The following SGCD variants were observed in gnomAD, a reference collection of about 807,000 sequenced individuals.
SGCD encodes the protein delta-sarcoglycan.
Under a neutral mutation model 36.6 loss-of-function variants are expected in SGCD, and 18 were observed. The observed-to-expected ratio is 0.49, with a 90% CI of 0.34 to 0.73. The LOEUF is 0.73. Among genes scored for constraint, SGCD ranks in the 30% least tolerant of loss-of-function variants. The probability of loss-of-function intolerance (pLI) is 0.01; values close to 1 mark genes in which losing one functional copy is unlikely to be tolerated. For synonymous variants in SGCD, 133 were observed against 130.6 expected (o/e 1.02, Z -0.12); for missense variants, 387 against 346.7 (o/e 1.12, Z -0.92).
Position 156,006,351 on chromosome 5 carries a change from T to C in SGCD, c.-281-111527T>C, listed in dbSNP as rs1311511922. On this transcript the variant is annotated intron_variant, in intron 1 of 9. Coordinates refer to the SGCD transcript ENST00000517913. Reference sequence around the variant, plus strand: ...TCAAAATGACAAATCTCTTTGATTATTTTTTTTCATTTGAAGTCAAAAGCC... The same window carrying C: ...TCAAAATGACAAATCTCTTTGATTACTTTTTTTCATTTGAAGTCAAAAGCC... 2.0e-5 allele frequency among the ~76,000 whole-genome samples: 3 copies of C among 151,800 alleles called. No individual in the cohort carries two copies. In the East Asian group the frequency reaches 5.8e-4, roughly 29 times the overall value.
intron 7 of SGCD, among the ~76,000 whole-genome samples, chr5:156,747,506 T>C (rs565420074): frequency 6.6e-6 from 1 of 152,244 alleles, no homozygotes; most frequent in Non-Finnish European, 1.5e-5. Flanking sequence ...ATTTGTAGGA[T>C]TAAGTTCTCT....
chr5:156,282,052 T>C (rs1255939204), intron 3 of SGCD, among the ~76,000 whole-genome samples: 1 of 152,060 alleles, frequency 6.6e-6, no homozygotes, highest in Non-Finnish European at 1.5e-5. Flanking sequence ...ACTTCTGTTC[T>C]CCAGTAGTTT....
chr5:156,451,517 A>G (rs1451324792), intron 3 of SGCD, among the ~76,000 whole-genome samples: 1 of 152,184 alleles, frequency 6.6e-6, no homozygotes, highest in East Asian at 1.9e-4. Flanking sequence ...GCAATGATGG[A>G]GCAGTCTTGG....
chr5:156,585,416 A>C (rs896052967), intron 4 of SGCD, among the ~76,000 whole-genome samples: 9 of 152,236 alleles, frequency 5.9e-5, no homozygotes, highest in Non-Finnish European at 1.3e-4. Flanking sequence ...AAAAACTTAC[A>C]AACTATCCTT....
At chr5:156,230,824 G>C (rs922563591) in intron 3 of SGCD, among the ~76,000 whole-genome samples, 6 of 152,208 alleles carry the variant, frequency 3.9e-5, no homozygotes, top group African/African-American at 1.2e-4. Context: ...TGAACATATA[G>C]TAAATGCTTA....
chr5:156,017,858 G>A (rs1049327481), intron 1 of SGCD, among the ~76,000 whole-genome samples: 70 of 151,844 alleles, frequency 4.6e-4, no homozygotes, highest in Admixed American at 1.1e-3. Flanking sequence ...CATTCATATT[G>A]ACATTTAAAT....
intron 3 of SGCD, among the ~76,000 whole-genome samples, chr5:156,471,227 TTCTCA>T (rs1754948206): frequency 6.6e-6 from 1 of 152,202 alleles, no homozygotes; most frequent in Admixed American, 6.5e-5. Context: ...TTTAAGATAC[TTCTCA>T]TCACATTCAT....
intron 1 of SGCD, among the ~76,000 whole-genome samples, chr5:156,044,655 C>A (rs1256452378): frequency 6.6e-6 from 1 of 152,068 alleles, no homozygotes; most frequent in African/African-American, 2.4e-5. Context: ...TCAAAGCATT[C>A]TATAAACCGA....
the SGCD span, among the ~76,000 whole-genome samples, chr5:155,776,406 T>C: frequency 4.6e-5 from 7 of 152,282 alleles, no homozygotes; most frequent in African/African-American, 1.4e-4. Context: ...ACAGCTTTAC[T>C]GTGGGAAATA....
chr5:156,151,651 C>T (rs972911732), intron 3 of SGCD, among the ~76,000 whole-genome samples: 1 of 151,442 alleles, frequency 6.6e-6, no homozygotes, highest in African/African-American at 2.5e-5. Flanking sequence ...GCCTAGGTTC[C>T]CTTCCAGGAT....
At chr5:156,598,533 C>T (rs1454904347) in intron 6 of SGCD, among the ~76,000 whole-genome samples, 1 of 152,132 alleles carries the variant, frequency 6.6e-6, no homozygotes, top group Non-Finnish European at 1.5e-5. Context: ...TATAGTGAGA[C>T]TCTGTCTCAA....
chr5:156,652,885 G>A (rs115831368), intron 7 of SGCD, among the ~76,000 whole-genome samples: 2,431 of 152,000 alleles, frequency 0.016, 61 homozygotes, highest in African/African-American at 0.055. Context: ...CTGTTTATAC[G>A]ATGGATCACA....
At chr5:156,646,544 T>C (rs909807016) in intron 6 of SGCD, among the ~76,000 whole-genome samples, 1 of 152,122 alleles carries the variant, frequency 6.6e-6, no homozygotes, top group African/African-American at 2.4e-5. Flanking sequence ...TAATGGAGCA[T>C]TTCTAGATGT....
intron 3 of SGCD, among the ~76,000 whole-genome samples, chr5:156,429,655 T>C (rs768163780): frequency 1.1e-4 from 17 of 152,024 alleles, no homozygotes; most frequent in African/African-American, 3.9e-4. Flanking sequence ...TTGGTGTATA[T>C]TGAGGTTTTG....
intron 7 of SGCD, among the ~76,000 whole-genome samples, chr5:156,654,036 C>T (rs1763577452): frequency 2.0e-5 from 3 of 152,206 alleles, no homozygotes; most frequent in East Asian, 1.9e-4. Flanking sequence ...CAAGGGAAAG[C>T]TTCCCTTTCA....
intron 1 of SGCD, among the ~76,000 whole-genome samples, chr5:155,890,321 G>T (rs376199526): frequency 1.3e-5 from 2 of 152,106 alleles, no homozygotes; most frequent in African/African-American, 2.4e-5. Context: ...AAAACAGTCT[G>T]CAAAATAAAA....
chr5:156,486,188 C>G (rs573013524), intron 3 of SGCD, among the ~76,000 whole-genome samples: 62 of 152,084 alleles, frequency 4.1e-4, no homozygotes, highest in African/African-American at 1.4e-3. Context: ...CATGTCCACC[C>G]AGAAACCTGT....
At chr5:155,751,027 G>A in the SGCD span, among the ~76,000 whole-genome samples, 1 of 152,104 alleles carries the variant, frequency 6.6e-6, no homozygotes, top group Non-Finnish European at 1.5e-5. Flanking sequence ...TAGGTACTTA[G>A]GATTGACCGT....
At chr5:155,775,067 ATTGT>A in the SGCD span, among the ~76,000 whole-genome samples, 63 of 152,174 alleles carry the variant, frequency 4.1e-4, no homozygotes, top group African/African-American at 1.4e-3. Flanking sequence ...ATTTAATATC[ATTGT>A]TTGTTAGAGT....
Sources: allele counts gnomAD v4.1 joint callset (sites outside exome capture counted in the v4.1 genomes callset), GRCh38; gene constraint gnomAD v4.1.1; transcripts MANE v1.5; gene names NCBI Gene and HGNC (gene_info 2026-07-23, HGNC 2026-07-21).